OR1L8: variants seen among roughly 807,000 people sequenced by gnomAD.
OR1L8 encodes olfactory receptor 1L8.
For missense variants in OR1L8, 330 were observed against 377.4 expected (o/e 0.87, Z 1.04); for synonymous variants, 148 against 147.0 (o/e 1.01, Z -0.05).
intron 4 of OR1L8, among the ~76,000 whole-genome samples, chr9:122,571,831 T>G (rs1343444914): frequency 1.3e-5 from 2 of 152,150 alleles, no homozygotes; most frequent in African/African-American, 2.4e-5. Context: ...GGATTTGTCC[T>G]CTATCACCTG....
chr9:122,554,288 T>TAAA, the OR1L8 span: 73 of 548,344 alleles, frequency 1.3e-4, no homozygotes, highest in African/African-American at 5.0e-4. Context: ...GTTAGGGATG[T>TAAA]AAAAAAAAAA....
At position 122,568,139 on chromosome 9, in the gene OR1L8, G is replaced by A. The variant is rs747188183; in HGVS notation, c.339C>T (p.Ser113=). 5.0e-6 allele frequency: 8 copies of A among 1,614,002 alleles called. No homozygotes were observed. The Admixed American group carries it at 1.2e-4, about 24-fold the overall frequency. ...YFLYALGNSD[S]CLLAVMAFDR... The stretch of plus-strand genomic sequence containing the variant: ...CAAAGGCCATGACTGCCAGAAGGCA[G>A]CTGTCACTGTTGCCCAAGGCATAGA... Residue 113 remains serine (S), a synonymous_variant, in exon 5 of 5, where the codon AGC becomes AGT. Transcript: ENST00000641027.
At chr9:122,560,480 A>G in the OR1L8 span, among the ~76,000 whole-genome samples, 2 of 152,048 alleles carry the variant, frequency 1.3e-5, no homozygotes, top group East Asian at 3.9e-4. Context: ...TTTCCTTTCC[A>G]TATTTAGTGC....
At position 122,567,994 on chromosome 9, in the gene OR1L8, G is replaced by A. The variant is rs754464542; in HGVS notation, c.484C>T (p.Leu162Phe). 1.9e-6 allele frequency: 3 copies of A among 1,614,172 alleles called. No individual in the cohort carries two copies. Among genetic ancestry groups the A allele is most frequent in the African/African-American group, 2.7e-5 (2 of 75,032 alleles). Residue 162 changes from leucine (L) to phenylalanine (F), a missense_variant, in exon 5 of 5, where the codon CTT becomes TTT. By Grantham distance (22) the Leu-to-Phe change is conservative. Coordinates refer to ENST00000641027, the MANE Select transcript of OR1L8 (RefSeq NM_001004454.2). ...CAGAAGGTGAGACGATTCAGCAGAA[G>A]TGTGTGCAGGAGTGAGTGGAGGTGA... Reference protein sequence around the residue: ...FPHLHSLLHTLLLNRLTFCDS... With the variant: ...FPHLHSLLHTFLLNRLTFCDS...
the OR1L8 span, among the ~76,000 whole-genome samples, chr9:122,550,931 A>G: frequency 3.0e-4 from 45 of 152,270 alleles, no homozygotes; most frequent in South Asian, 7.0e-3. Flanking sequence ...AGGGAAAAAA[A>G]AAAAAGACAT....
the OR1L8 span, among the ~76,000 whole-genome samples, chr9:122,551,466 G>T: frequency 6.6e-6 from 1 of 152,106 alleles, no homozygotes; most frequent in African/African-American, 2.4e-5. Context: ...TAAGGAAATC[G>T]CCAGCAGAAA....
chr9:122,563,497 A>G (rs915257117), downstream of OR1L8, among the ~76,000 whole-genome samples: 6 of 152,178 alleles, frequency 3.9e-5, no homozygotes, highest in Non-Finnish European at 7.4e-5. Flanking sequence ...AGTTTCTTAT[A>G]TATTCCACAT....
At chr9:122,573,348 T>C (rs997798078) in intron 3 of OR1L8, among the ~76,000 whole-genome samples, 4 of 152,262 alleles carry the variant, frequency 2.6e-5, no homozygotes, top group African/African-American at 9.6e-5. Context: ...AAGGGAATGC[T>C]TCTCTTTCCT....
intron 1 of OR1L8, among the ~76,000 whole-genome samples, chr9:122,580,427 A>ATTAT (rs1829725487): frequency 1.3e-5 from 2 of 152,174 alleles, no homozygotes; most frequent in African/African-American, 2.4e-5. Context: ...TTGAATAATA[A>ATTAT]CCTTTCTGTT....
the OR1L8 span, among the ~76,000 whole-genome samples, chr9:122,551,442 A>G: frequency 2.0e-5 from 3 of 152,158 alleles, no homozygotes; most frequent in African/African-American, 7.2e-5. Context: ...TGTTTCCATC[A>G]GGATTATTCT....
chr9:122,580,545 A>T (rs1399766905), intron 1 of OR1L8, among the ~76,000 whole-genome samples: 1 of 152,238 alleles, frequency 6.6e-6, no homozygotes, highest in African/African-American at 2.4e-5. Flanking sequence ...TTCAGGGCAT[A>T]TGACTCATGC....
chr9:122,564,557 C>T (rs1276229801), downstream of OR1L8, among the ~76,000 whole-genome samples: 1 of 152,132 alleles, frequency 6.6e-6, no homozygotes, highest in African/African-American at 2.4e-5. Context: ...GTGGTGATCC[C>T]CACCACATCC....
At chr9:122,564,691 C>T (rs1829402746), downstream of OR1L8, among the ~76,000 whole-genome samples, 1 of 152,208 alleles carries the variant, frequency 6.6e-6, no homozygotes, top group Non-Finnish European at 1.5e-5. Context: ...TGTGGTTTCA[C>T]TGCTTGAGCA....
At chr9:122,570,628 T>A (rs879434895) in intron 4 of OR1L8, among the ~76,000 whole-genome samples, 1 of 152,168 alleles carries the variant, frequency 6.6e-6, no homozygotes, top group Non-Finnish European at 1.5e-5. Flanking sequence ...GGACAAGCTG[T>A]TCCCCAGCCA....
chr9:122,572,371 G>A (rs1829568917), intron 4 of OR1L8, among the ~76,000 whole-genome samples: 1 of 152,142 alleles, frequency 6.6e-6, no homozygotes, highest in African/African-American at 2.4e-5. Flanking sequence ...GGCTGCCTTG[G>A]GAATACAGAA....
chr9:122,553,698 A>T, the OR1L8 span: 3 of 1,614,068 alleles, frequency 1.9e-6, no homozygotes, highest in Non-Finnish European at 1.7e-6. Flanking sequence ...CCTGATGCAC[A>T]CACTGTTGCT....
chr9:122,552,335 C>T, the OR1L8 span, among the ~76,000 whole-genome samples: 13 of 152,084 alleles, frequency 8.5e-5, no homozygotes, highest in African/African-American at 2.7e-4. Context: ...AAAGTCAGGG[C>T]GATACCTTTC....
the OR1L8 span, chr9:122,553,578 T>C: frequency 1.2e-6 from 2 of 1,614,052 alleles, no homozygotes; most frequent in Non-Finnish European, 1.7e-6. Flanking sequence ...TGTGATGGCA[T>C]ATGACCGCTA....
the OR1L8 span, among the ~76,000 whole-genome samples, chr9:122,560,995 T>A: frequency 6.6e-6 from 1 of 152,180 alleles, no homozygotes; most frequent in Non-Finnish European, 1.5e-5. Flanking sequence ...TTTTACATAG[T>A]CCCATATTTC....
Sources: gnomAD v4.1 joint callset for allele counts (sites outside exome capture counted in the v4.1 genomes callset) on GRCh38, gnomAD v4.1.1 for gene constraint, MANE v1.5 for transcripts, NCBI Gene and HGNC (gene_info 2026-07-23, HGNC 2026-07-21) for gene names.